Variants in EPHA6 observed in about 807,000 individuals in gnomAD.
The protein encoded by EPHA6 is ephrin type-A receptor 6.
A neutral mutation model predicts 112.0 loss-of-function variants in EPHA6; 50 were observed. The ratio of observed to expected loss-of-function variants is 0.45; its 90% CI spans 0.36 to 0.56. The LOEUF is 0.56. Among genes scored for constraint, EPHA6 ranks in the 20% least tolerant of loss-of-function variants. EPHA6 has a pLI of 0.00. For synonymous variants in EPHA6, 529 were observed against 490.7 expected (o/e 1.08, Z -1.03); for missense variants, 1,280 against 1,417.4 (o/e 0.90, Z 1.56).
chr3:97,095,569 A>G (rs149777643), intron 3 of EPHA6, among the ~76,000 whole-genome samples: 54 of 152,132 alleles, frequency 3.5e-4, no homozygotes, highest in African/African-American at 1.3e-3. Context: ...CAGACTAATG[A>G]AATTCCTGAT....
At position 96,831,517 on chromosome 3, in the gene EPHA6, ATT is replaced by A. The variant is rs1323450775; in HGVS notation, c.385+16519_385+16520del. The stretch of plus-strand genomic sequence containing the variant: ...TATGAGACAGTGTTTGTGATTGTTC[ATT>A]TTTTTTTTTGCCAATTGACACTTTT... On this transcript the variant is annotated intron_variant, in intron 1 of 17. Transcript: ENST00000389672. Among the ~76,000 whole-genome samples, 13 of 144,702 alleles carry A rather than the reference ATT, an allele frequency of 9.0e-5. No homozygotes were observed. In the South Asian group the frequency reaches 2.6e-3, roughly 29 times the overall value. The allele number at this position is 144,702 out of a possible 152,430, so 94.9% of individuals were successfully genotyped here. A position where few individuals can be genotyped will look rare whatever the true frequency, so the allele number is the denominator to read the frequency against.
At chr3:97,567,974 G>C (rs1441640772) in intron 11 of EPHA6, among the ~76,000 whole-genome samples, 1 of 152,072 alleles carries the variant, frequency 6.6e-6, no homozygotes, top group African/African-American at 2.4e-5. Flanking sequence ...TTATAAGGGT[G>C]GTCCCTTGTT....
intron 3 of EPHA6, among the ~76,000 whole-genome samples, chr3:97,150,433 ACT>A: frequency 6.6e-6 from 1 of 152,236 alleles, no homozygotes; most frequent in South Asian, 2.1e-4. Context: ...TCAATGTCTT[ACT>A]CTGCAGCAAC....
intron 2 of EPHA6, among the ~76,000 whole-genome samples, chr3:96,949,052 T>C (rs529354989): frequency 1.3e-5 from 2 of 152,230 alleles, no homozygotes; most frequent in South Asian, 2.1e-4. Context: ...CTCAATAAAA[T>C]TGGTGTTGGA....
chr3:96,985,513 G>A (rs1451467819), intron 2 of EPHA6, among the ~76,000 whole-genome samples: 1 of 152,038 alleles, frequency 6.6e-6, no homozygotes, highest in East Asian at 1.9e-4. Context: ...TGTCCTCAGA[G>A]TAACATAAGA....
chr3:97,446,850 C>A (rs1172922344), intron 6 of EPHA6, among the ~76,000 whole-genome samples: 1 of 152,108 alleles, frequency 6.6e-6, no homozygotes. Context: ...TAATCCCTAA[C>A]AGCTCACTGT....
chr3:97,282,377 C>T (rs1230660871), intron 5 of EPHA6, among the ~76,000 whole-genome samples: 1 of 152,092 alleles, frequency 6.6e-6, no homozygotes, highest in African/African-American at 2.4e-5. Context: ...AATGCTTTTA[C>T]GCTGTTGGTG....
At chr3:97,337,528 G>T (rs577145850) in intron 5 of EPHA6, among the ~76,000 whole-genome samples, 6 of 152,208 alleles carry the variant, frequency 3.9e-5, no homozygotes. Flanking sequence ...ATTTATCCAG[G>T]AGATATTTTC....
intron 3 of EPHA6, among the ~76,000 whole-genome samples, chr3:97,197,317 A>G (rs2077466662): frequency 6.6e-6 from 1 of 151,964 alleles, no homozygotes; most frequent in South Asian, 2.1e-4. Context: ...ATCTCACCCA[A>G]TGCCTGCAGC....
At chr3:97,518,690 G>T (rs1166759041) in intron 10 of EPHA6, among the ~76,000 whole-genome samples, 2 of 151,946 alleles carry the variant, frequency 1.3e-5, no homozygotes, top group African/African-American at 4.8e-5. Context: ...GAAGTAAGAT[G>T]ATATCTCTTT....
intron 3 of EPHA6, among the ~76,000 whole-genome samples, chr3:97,202,196 A>G (rs777338227): frequency 6.6e-6 from 1 of 152,056 alleles, no homozygotes; most frequent in African/African-American, 2.4e-5. Flanking sequence ...GATACTCAAA[A>G]GGTAGGCTCT....
At chr3:97,090,946 A>T (rs1357066070) in intron 3 of EPHA6, among the ~76,000 whole-genome samples, 1 of 152,120 alleles carries the variant, frequency 6.6e-6, no homozygotes, top group Non-Finnish European at 1.5e-5. Context: ...AAAGAGTTAG[A>T]TGTTTTAACA....
Position 97,277,082 on chromosome 3 carries a change from A to G in EPHA6, c.1606+32795A>G, listed in dbSNP as rs910015836. On this transcript the variant is annotated intron_variant, in intron 5 of 17. Coordinates refer to ENST00000389672, the MANE Select transcript of EPHA6 (RefSeq NM_001080448.3). ...GGCCAGATGGGTCTGTAGAAAAGGA[A>G]GAAAGACTCAGTGACGCTTGGGGTT... 2.0e-5 allele frequency among the ~76,000 whole-genome samples: 3 copies of G among 152,090 alleles called. No individual in the cohort carries two copies. In the East Asian group the frequency reaches 5.8e-4, roughly 29 times the overall value.
At position 97,752,837 on chromosome 3, in the gene EPHA6, C is replaced by T; in HGVS notation, c.*4136C>T. 6.6e-6 allele frequency among the ~76,000 whole-genome samples: 1 copy of T among 151,996 alleles called. No individual in the cohort carries two copies. On this transcript the variant is annotated 3_prime_UTR_variant, in exon 18 of 18. Transcript: ENST00000389672. ...ATCAATATCTGTTATTATAAACTCA[C>T]AGTTGGTGTCCATGTCTCTATATAT...
chr3:97,479,921 TCTCCTC>T (rs556346040), intron 9 of EPHA6, among the ~76,000 whole-genome samples: 1 of 152,024 alleles, frequency 6.6e-6, no homozygotes, highest in Non-Finnish European at 1.5e-5. Context: ...ACTGACAACT[TCTCCTC>T]CTCAACATCC....
At chr3:97,449,575 A>C (rs936390878) in intron 7 of EPHA6, among the ~76,000 whole-genome samples, 2 of 152,166 alleles carry the variant, frequency 1.3e-5, no homozygotes, top group African/African-American at 4.8e-5. Context: ...TAAATATTTT[A>C]CATGGAATTG....
chr3:97,290,221 A>T (rs1345666154), intron 5 of EPHA6, among the ~76,000 whole-genome samples: 1 of 152,172 alleles, frequency 6.6e-6, no homozygotes, highest in Non-Finnish European at 1.5e-5. Context: ...CTCAAAAGTC[A>T]TTCTGGAGTA....
intron 3 of EPHA6, among the ~76,000 whole-genome samples, chr3:97,120,709 T>C (rs1447698149): frequency 1.3e-5 from 2 of 152,110 alleles, no homozygotes; most frequent in African/African-American, 4.8e-5. Context: ...AAAAAGAATG[T>C]TATTTTCTAG....
intron 3 of EPHA6, among the ~76,000 whole-genome samples, chr3:97,180,550 G>A (rs1259773144): frequency 6.6e-6 from 1 of 152,080 alleles, no homozygotes; most frequent in Non-Finnish European, 1.5e-5. Context: ...GGGTCCAAGA[G>A]CTCTTCAGTT....
Sources: gnomAD v4.1 joint callset for allele counts (sites outside exome capture counted in the v4.1 genomes callset) on GRCh38, gnomAD v4.1.1 for gene constraint, MANE v1.5 for transcripts, NCBI Gene and HGNC (gene_info 2026-07-23, HGNC 2026-07-21) for gene names.